Variants in TENM2 observed in about 807,000 individuals in gnomAD.
The protein encoded by TENM2 is teneurin-2.
TENM2 carries 52 observed loss-of-function variants against 245.2 expected under a neutral mutation model. That is an observed-to-expected ratio of 0.21 (90% CI 0.17 to 0.27). The LOEUF (loss-of-function observed/expected upper bound fraction) is 0.27, where lower values mean the gene tolerates loss of function less well. Ranked by LOEUF, TENM2 falls within the 10% of genes least tolerant of loss-of-function variation. TENM2 has a pLI of 1.00. For missense variants in TENM2, 3,046 were observed against 3,666.8 expected, an observed-to-expected ratio of 0.83 and a Z score of 4.37; for synonymous variants, 1,363 against 1,438.9, an observed-to-expected ratio of 0.95 and a Z score of 1.19.
At chr5:167,983,557 G>A (rs575139769) in intron 4 of TENM2, among the ~76,000 whole-genome samples, 1 of 152,286 alleles carries the variant, frequency 6.6e-6, no homozygotes, top group Non-Finnish European at 1.5e-5. Flanking sequence ...TCAGGGATGA[G>A]AAACCTTGAA....
chr5:167,768,464 G>A (rs543360097), intron 2 of TENM2, among the ~76,000 whole-genome samples: 10 of 152,256 alleles, frequency 6.6e-5, no homozygotes, highest in East Asian at 5.8e-4. Flanking sequence ...AAGACTTAAC[G>A]ATCTACGAAA....
At chr5:167,188,159 G>T in the TENM2 span, among the ~76,000 whole-genome samples, 4 of 152,118 alleles carry the variant, frequency 2.6e-5, no homozygotes, top group Non-Finnish European at 5.9e-5. Flanking sequence ...ATGCACTATA[G>T]CCCAGATCAC....
chr5:168,073,609 A>G (rs1242497910), intron 7 of TENM2, among the ~76,000 whole-genome samples: 3 of 152,230 alleles, frequency 2.0e-5, no homozygotes, highest in Non-Finnish European at 4.4e-5. Flanking sequence ...GAGTTGTTGC[A>G]TATTTGCAGC....
intron 2 of TENM2, among the ~76,000 whole-genome samples, chr5:167,714,950 T>C (rs746403646): frequency 6.6e-6 from 1 of 152,192 alleles, no homozygotes; most frequent in Non-Finnish European, 1.5e-5. Flanking sequence ...ATTGAAAACC[T>C]TCTACCCATT....
intron 1 of TENM2, among the ~76,000 whole-genome samples, chr5:167,340,939 GAGA>G (rs888051515): frequency 1.2e-4 from 18 of 152,102 alleles, no homozygotes; most frequent in Non-Finnish European, 1.6e-4. Flanking sequence ...AGTCAGAATG[GAGA>G]AGAAGTGGGA....
chr5:168,119,825 T>A (rs568420183), intron 10 of TENM2, among the ~76,000 whole-genome samples: 8 of 152,310 alleles, frequency 5.3e-5, no homozygotes, highest in Admixed American at 3.3e-4. Flanking sequence ...CTGCCTATTC[T>A]GCATGAACTT....
At chr5:168,229,111 A>ATGCTT (rs1436547593) in intron 25 of TENM2, among the ~76,000 whole-genome samples, 1 of 147,040 alleles carries the variant, frequency 6.8e-6, no homozygotes, top group African/African-American at 2.6e-5. Flanking sequence ...CCTATGTTAA[A>ATGCTT]TGCTTTGCTT....
At chr5:168,210,361 A>C (rs1362681002) in intron 19 of TENM2, among the ~76,000 whole-genome samples, 2 of 152,232 alleles carry the variant, frequency 1.3e-5, no homozygotes, top group Non-Finnish European at 2.9e-5. Flanking sequence ...GAAGTAGGTC[A>C]GGCCTGCAGA....
chr5:168,102,489 A>G (rs1349908433), intron 9 of TENM2, among the ~76,000 whole-genome samples: 1 of 152,244 alleles, frequency 6.6e-6, no homozygotes, highest in Non-Finnish European at 1.5e-5. Flanking sequence ...CACTTTGATT[A>G]GCATCCAAGC....
intron 2 of TENM2, among the ~76,000 whole-genome samples, chr5:167,518,551 G>A (rs1048991305): frequency 2.6e-5 from 4 of 152,108 alleles, no homozygotes; most frequent in African/African-American, 7.2e-5. Flanking sequence ...CAGGTTAACC[G>A]ATGTTTTAAC....
At chr5:167,663,276 A>T (rs1755364500) in intron 2 of TENM2, among the ~76,000 whole-genome samples, 1 of 152,116 alleles carries the variant, frequency 6.6e-6, no homozygotes, top group South Asian at 2.1e-4. Context: ...TCCTTTAGTT[A>T]GGATTTATTG....
chr5:167,045,252 CA>C, the TENM2 span, among the ~76,000 whole-genome samples: 1 of 152,120 alleles, frequency 6.6e-6, no homozygotes, highest in African/African-American at 2.4e-5. Flanking sequence ...TGTACTGGGA[CA>C]AATTTTATTA....
intron 7 of TENM2, among the ~76,000 whole-genome samples, chr5:168,067,358 G>A (rs1273420867): frequency 6.6e-6 from 1 of 152,160 alleles, no homozygotes; most frequent in Non-Finnish European, 1.5e-5. Context: ...AGCCAATAGG[G>A]AGGAACAGTT....
chr5:167,223,474 A>C, the TENM2 span, among the ~76,000 whole-genome samples: 11 of 152,052 alleles, frequency 7.2e-5, no homozygotes, highest in African/African-American at 2.4e-4. Context: ...GCTTCACTTA[A>C]CATAATGACC....
chr5:168,077,990 G>A (rs2152169234), intron 7 of TENM2, among the ~76,000 whole-genome samples: 1 of 152,278 alleles, frequency 6.6e-6, no homozygotes, highest in Middle Eastern at 3.4e-3. Flanking sequence ...CTAGATCCTT[G>A]AGGAATTGCC....
At chr5:168,215,399 CAG>C (rs1763099044) in intron 21 of TENM2, 127 bp downstream of exon 23, 1 of 737,740 alleles carries the variant, frequency 1.4e-6, no homozygotes, top group Non-Finnish European at 2.3e-6. Flanking sequence ...TCATTTAACT[CAG>C]ATAGATTGCT....
rs1015275269 is a variant in TENM2 at position 167,356,216 on chromosome 5, A to T, written c.227-18982A>T. Among the ~76,000 whole-genome samples the T allele has an allele frequency of 2.7e-4, 36 of 134,322 alleles. 1 individual carries two copies. Among genetic ancestry groups the T allele is most frequent in the African/African-American group, 1.1e-3 (35 of 31,312 alleles). The allele number at this position is 134,322 out of a possible 152,430, so 88.1% of individuals were successfully genotyped here. ...AAAAAAAAAAAAAAAAAAAAAAAAA[A>T]AAAAATTAAAATTAAAAAAAAGGCA... On this transcript the variant is annotated intron_variant, in intron 1 of 28. Transcript: ENST00000518659.
At chr5:167,813,094 G>A (rs962768146) in intron 2 of TENM2, among the ~76,000 whole-genome samples, 1 of 152,142 alleles carries the variant, frequency 6.6e-6, no homozygotes, top group African/African-American at 2.4e-5. Context: ...TTTGTATCCA[G>A]CACTGGAAAG....
chr5:166,984,508 G>T, the TENM2 span, among the ~76,000 whole-genome samples: 2 of 152,058 alleles, frequency 1.3e-5, no homozygotes, highest in Admixed American at 6.5e-5. Context: ...AAATAGAAAT[G>T]ATTTTTGGCA....
Sources: allele counts gnomAD v4.1 joint callset (sites outside exome capture counted in the v4.1 genomes callset), GRCh38; gene constraint gnomAD v4.1.1; transcripts MANE v1.5; gene names NCBI Gene and HGNC (gene_info 2026-07-23, HGNC 2026-07-21).